Variants in SLC9A6 observed in about 807,000 individuals in gnomAD.
SLC9A6 encodes solute carrier family 9 member A6, also known as sodium/hydrogen exchanger 6.
A neutral mutation model predicts 45.3 loss-of-function variants in SLC9A6; 6 were observed. That is an observed-to-expected ratio of 0.13 (90% CI 0.07 to 0.26). The LOEUF is 0.26. Among genes scored for constraint, SLC9A6 ranks in the 10% least tolerant of loss-of-function variants. The pLI, the probability that SLC9A6 is intolerant of heterozygous loss-of-function variation, is 1.00. For missense variants in SLC9A6, 278 were observed against 503.7 expected (o/e 0.55, Z 4.29); for synonymous variants, 191 against 187.7 (o/e 1.02, Z -0.14).
At chrX:135,974,848 A>G (rs959257048) in intron 1 of SLC9A6, 4 of 278,939 alleles carry the variant, frequency 1.4e-5, no homozygotes, top group Non-Finnish European at 2.8e-5. Flanking sequence ...CGTGAAAAGA[A>G]CCAGCTTACA....
At chrX:135,985,532 C>T (rs1556614721) in intron 1 of SLC9A6, 55 bp downstream of exon 1, 2 of 1,150,891 alleles carry the variant, frequency 1.7e-6, no homozygotes, top group Non-Finnish European at 1.2e-6. Context: ...GGCGGGCACC[C>T]CTCCGCCGTG....
intron 11 of SLC9A6, among the ~76,000 whole-genome samples, chrX:136,020,164 A>G (rs1316480914): frequency 8.1e-5 from 9 of 111,020 alleles, no homozygotes; most frequent in Non-Finnish European, 1.5e-4. Context: ...AAAGTTACAC[A>G]TTCCCCCCCC....
chrX:135,982,796 G>A (rs1281638610), upstream of SLC9A6, among the ~76,000 whole-genome samples: 1 of 112,517 alleles, frequency 8.9e-6, no homozygotes, highest in Non-Finnish European at 1.9e-5. Flanking sequence ...AAGGGAGAAG[G>A]AAACACTTCT....
At chrX:136,003,936 C>G (rs1224458677) in intron 7 of SLC9A6, among the ~76,000 whole-genome samples, 1 of 110,578 alleles carries the variant, frequency 9.0e-6, no homozygotes, top group African/African-American at 3.3e-5. Flanking sequence ...TTATGTATTA[C>G]TTATACCAAT....
chrX:136,029,884 TC>T (rs1167789656), intron 14 of SLC9A6: 2 of 408,857 alleles, frequency 4.9e-6, no homozygotes, highest in African/African-American at 5.0e-5. Flanking sequence ...GCTGTTTTTT[TC>T]TGAAACTGGT....
At chrX:136,028,703 T>A (rs2071269934) in intron 13 of SLC9A6, among the ~76,000 whole-genome samples, 183 bp from the exon 14 acceptor site, 1 of 112,377 alleles carries the variant, frequency 8.9e-6, no homozygotes, top group African/African-American at 3.2e-5. Flanking sequence ...CATAGCAATC[T>A]GTTTTCAGGT....
intron 6 of SLC9A6, among the ~76,000 whole-genome samples, chrX:136,000,182 T>TTGAGGCTGCAGTGAGCTGCAG (rs782445771): frequency 9.7e-6 from 1 of 103,546 alleles, no homozygotes; most frequent in Admixed American, 1.1e-4. Flanking sequence ...GCCTAGGAGT[T>TTGAGGCTGCAGTGAGCTGCAG]TGAGGCTGCA....
chrX:136,032,482 G>A (rs1466925247), intron 15 of SLC9A6, among the ~76,000 whole-genome samples: 2 of 112,204 alleles, frequency 1.8e-5, no homozygotes, highest in Non-Finnish European at 3.8e-5. Flanking sequence ...GAAGAAATTC[G>A]GGCCCAGAGA....
Position 136,006,930 on chromosome X carries a change from G to T in SLC9A6, c.744-3512G>T, listed in dbSNP as rs781956514. Among the ~76,000 whole-genome samples the T allele has an allele frequency of 3.6e-5, 4 of 110,171 alleles. No individual in the cohort carries two copies. In the South Asian group the frequency reaches 1.6e-3, roughly 43 times the overall value. The stretch of plus-strand genomic sequence containing the variant: ...CACCCAGGCTGGAGTACAATGGCGC[G>T]GTCTTGGCTCACTGCTACCTCCGCC... On this transcript the variant is annotated intron_variant, in intron 7 of 17. Transcript: ENST00000630721.
chrX:136,044,570 G>A lies in SLC9A6; in HGVS notation c.1886G>A (p.Arg629Lys). 8.3e-7 allele frequency: 1 copy of A among 1,211,551 alleles called. No individual in the cohort carries two copies. The highest frequency in any genetic ancestry group is 1.1e-6 in the Non-Finnish European group (1 of 895,403). The part of the protein sequence containing the change: ...TEPATSSAPR[R>K]FMGNSSEDAL... ...CCGGCCACATCCAGCGCCCCAAGGA[G>A]ATTTATGGGAAACAGTTCTGAAGAT... Residue 629 changes from arginine (R) to lysine (K), a missense_variant, in exon 18 of 18, where the codon AGA becomes AAA. By Grantham distance (26) the Arg-to-Lys change is conservative (BLOSUM62 2). Transcript: ENST00000630721.
At chrX:135,975,041 G>A (rs1271254407) in intron 1 of SLC9A6, 1 of 151,071 alleles carries the variant, frequency 6.6e-6, no homozygotes. Context: ...GCTGTCCCCT[G>A]GGGAGCTCAC....
In SLC9A6 at chrX:136,035,349, A is replaced by C. The variant is rs782431193; in HGVS notation, c.1661+1856A>C. Among the ~76,000 whole-genome samples the C allele has an allele frequency of 4.5e-5, 5 of 111,976 alleles. No homozygotes were observed. In the East Asian group the frequency reaches 1.4e-3, roughly 31 times the overall value. On this transcript the variant is annotated intron_variant, in intron 16 of 17. Transcript: ENST00000630721. ...GAACATTCTCTATCCCCCTCCACAA[A>C]GGGGTAACCATGATTCTGACTTTCA...
In SLC9A6 at chrX:136,040,098, C is replaced by T; in HGVS notation, c.1684C>T (p.His562Tyr). 1 of 1,210,180 alleles carries T rather than the reference C, an allele frequency of 8.3e-7. No homozygotes were observed. Residue 562 changes from histidine (H) to tyrosine (Y), a missense_variant, in exon 17 of 18, where the codon CAC becomes TAC. Physicochemically the swap from His to Tyr is moderately conservative, Grantham distance 83. Around this residue, in one of 5 missense-constraint regions of SLC9A6, gnomAD observed 91 missense variants for 125.1 expected, o/e 0.73. Transcript: ENST00000630721. Reference sequence around the variant, plus strand: ...CAGCTATCTGAAGCCTCTGCTGACCCACAGCGGGCCTCCGCTGACAACAAC... The same window carrying T: ...CAGCTATCTGAAGCCTCTGCTGACCTACAGCGGGCCTCCGCTGACAACAAC... Reference protein sequence around the residue: ...DHNYLKPLLTHSGPPLTTTLP... With the variant: ...DHNYLKPLLTYSGPPLTTTLP...
intron 16 of SLC9A6, among the ~76,000 whole-genome samples, chrX:136,038,174 G>T (rs1228718388): frequency 1.8e-5 from 2 of 111,310 alleles, no homozygotes; most frequent in Non-Finnish European, 3.8e-5. Context: ...TACGTTTTTG[G>T]ATATATCCTT....
intron 16 of SLC9A6, among the ~76,000 whole-genome samples, chrX:136,034,996 A>G (rs1315247933): frequency 6.3e-5 from 7 of 111,431 alleles, no homozygotes; most frequent in Non-Finnish European, 1.3e-4. Flanking sequence ...AATATATAAA[A>G]CAGTTCAATG....
At chrX:136,023,216 T>G (rs1178738533) in intron 12 of SLC9A6, among the ~76,000 whole-genome samples, 1 of 52,549 alleles carries the variant, frequency 1.9e-5, no homozygotes, top group Non-Finnish European at 3.6e-5. Flanking sequence ...TATATATATA[T>G]ATATATAGTG....
rs148891180 is a variant in SLC9A6, at chrX:135,977,254, A to G, written c.-57+2471A>G. ...GCCATTTTCCATATGCACCTTGGAT[A>G]AATGATGTGGATGTTATTAAAGATG... is the stretch of plus-strand genomic sequence containing the variant. On this transcript the variant is annotated intron_variant, in intron 1 of 16. Coordinates refer to the SLC9A6 transcript ENST00000636092. Among the ~76,000 whole-genome samples the G allele has an allele frequency of 4.2e-3, 468 of 112,514 alleles. 3 individuals carry two copies. The highest frequency in any genetic ancestry group is 7.0e-3 in the Non-Finnish European group (374 of 53,345).
At chrX:135,999,088 A>AC in intron 6 of SLC9A6, 120 bp downstream of exon 6, 3 of 522,258 alleles carry the variant, frequency 5.7e-6, no homozygotes, top group East Asian at 3.4e-5. Context: ...TTAGTACTAT[A>AC]CTTTCTAATT....
chrX:135,991,284 T>G (rs1188136799), intron 2 of SLC9A6, among the ~76,000 whole-genome samples: 16 of 105,423 alleles, frequency 1.5e-4, no homozygotes, highest in South Asian at 8.7e-4. Context: ...TTGGACAGAG[T>G]TTTTGCTCCA....
Sources: allele counts gnomAD v4.1 joint callset (sites outside exome capture counted in the v4.1 genomes callset), GRCh38; gene constraint gnomAD v4.1.1; regional missense constraint gnomAD v4.1.1; transcripts MANE v1.5; gene names NCBI Gene and HGNC (gene_info 2026-07-23, HGNC 2026-07-21).